Variants in INF2 observed in about 807,000 individuals in gnomAD.
INF2 encodes inverted formin-2.
INF2 carries 43 observed loss-of-function variants against 123.5 expected under a neutral mutation model. The observed-to-expected ratio is 0.35, with a 90% confidence interval of 0.27 to 0.45. INF2 has a LOEUF of 0.45. INF2 is among the 20% of genes least tolerant of loss of function. The pLI, the probability that INF2 is intolerant of heterozygous loss-of-function variation, is 1.00. For missense variants in INF2, 1,453 were observed against 1,682.7 expected (o/e 0.86, Z 2.39); for synonymous variants, 851 against 745.0 (o/e 1.14, Z -2.32).
intron 5 of INF2, chr14:104,704,313 A>G: frequency 7.0e-6 from 4 of 574,096 alleles, no homozygotes; most frequent in Non-Finnish European, 1.1e-5. Flanking sequence ...TGGACGCAAG[A>G]TGGAGACAGG....
chr14:104,701,311 GC>G, intron 1 of INF2, 45 bp from the exon 2 acceptor site: 1 of 1,533,200 alleles, frequency 6.5e-7, no homozygotes, highest in African/African-American at 1.4e-5. Context: ...CAGGAGGACA[GC>G]CCCCATCCCC....
At chr14:104,716,331 G>T (rs1233581569) in intron 22 of INF2, among the ~76,000 whole-genome samples, 4 of 152,258 alleles carry the variant, frequency 2.6e-5, no homozygotes, top group African/African-American at 9.6e-5. Context: ...TGTCCTCGCT[G>T]TTGGGGCACG....
intron 1 of INF2, among the ~76,000 whole-genome samples, chr14:104,692,976 C>T (rs1396613501): frequency 7.2e-5 from 11 of 152,222 alleles, no homozygotes; most frequent in Admixed American, 5.9e-4. Context: ...GGTGACTGGC[C>T]GTGGCTGGGG....
At chr14:104,698,420 C>T (rs1425582354) in intron 1 of INF2, among the ~76,000 whole-genome samples, 1 of 152,256 alleles carries the variant, frequency 6.6e-6, no homozygotes, top group Non-Finnish European at 1.5e-5. Flanking sequence ...AGCAGAGACT[C>T]ACAGGCGGGC....
Position 104,710,208 on chromosome 14 carries a change from G to T in INF2, c.2239+20G>T, listed in dbSNP as rs1294142639. ...GCGAAAGTGAGTGGGGCCAAGCGGG[G>T]CACGTGTGCAGGAGGGACAGGCCTC... is the stretch of plus-strand genomic sequence containing the variant. On this transcript the variant is annotated intron_variant, in intron 13 of 22. Coordinates refer to ENST00000392634, the MANE Select transcript of INF2 (RefSeq NM_022489.4). The T allele has an allele frequency of 2.6e-6, 4 of 1,524,424 alleles. No individual in the cohort carries two copies. The highest frequency in any genetic ancestry group is 2.5e-5 in the East Asian group (1 of 40,804). The allele number at this position is 1,524,424 out of a possible 1,614,324, so 94.4% of individuals were successfully genotyped here. A position where few individuals can be genotyped will look rare whatever the true frequency, so the allele number is the denominator to read the frequency against.
At chr14:104,706,302 G>T in intron 6 of INF2, 126 bp downstream of exon 6, 1 of 1,031,504 alleles carries the variant, frequency 9.7e-7, no homozygotes. Context: ...GGGCCATGGT[G>T]CCAGCTTTGG....
intron 4 of INF2, 81 bp from the exon 5 acceptor site, chr14:104,703,835 A>G: frequency 6.2e-7 from 1 of 1,605,222 alleles, no homozygotes; most frequent in South Asian, 1.1e-5. Context: ...GGGCAGGGTC[A>G]GGTGCTCTGG....
chr14:104,681,883 G>GCCAGGCAGGAAA (rs1217458653), intron 1 of INF2, among the ~76,000 whole-genome samples: 1 of 152,254 alleles, frequency 6.6e-6, no homozygotes, highest in Non-Finnish European at 1.5e-5. Context: ...CAGGCAGGGA[G>GCCAGGCAGGAAA]CCAGGCAGGA....
At chr14:104,708,394 C>T (rs751341593) in intron 8 of INF2, 42 bp from the exon 9 acceptor site, 54 of 1,605,490 alleles carry the variant, frequency 3.4e-5, no homozygotes, top group African/African-American at 3.3e-4. Context: ...CGCCAGGCCC[C>T]GGGGCTGCGA....
rs1354243591 is a variant in INF2, at chr14:104,701,461, C to T, written c.96C>T (p.Ser32=). The T allele has an allele frequency of 1.9e-6, 3 of 1,599,038 alleles. No homozygotes were observed. The highest frequency in any genetic ancestry group is 1.7e-5 in the Admixed American group (1 of 58,486). Residue 32 remains serine, a synonymous_variant, in exon 2 of 23, where the codon AGC becomes AGT. Coordinates refer to ENST00000392634, the MANE Select transcript of INF2 (RefSeq NM_022489.4). ...ACCCCACGGAGGCCAACCTGGAGAG[C>T]GCGGACCCCGAGCTGTGCATCCGGC... The part of the protein sequence containing the change: ...DSDPTEANLE[S]ADPELCIRLL...
chr14:104,717,705 C>G (rs929313819), intron 22 of INF2: 3 of 152,202 alleles, frequency 2.0e-5, no homozygotes, highest in African/African-American at 7.2e-5. Context: ...CATGTCCTCC[C>G]CAGCTGGGTG....
chr14:104,693,443 C>T (rs113308620), intron 1 of INF2, among the ~76,000 whole-genome samples: 62 of 152,284 alleles, frequency 4.1e-4, no homozygotes, highest in African/African-American at 1.3e-3. Flanking sequence ...ATTTTGCAGA[C>T]GAGGGCTAGT....
upstream of INF2, among the ~76,000 whole-genome samples, chr14:104,688,621 T>C (rs1378087325): frequency 6.6e-6 from 1 of 152,218 alleles, no homozygotes; most frequent in Non-Finnish European, 1.5e-5. Context: ...CACAGAGTCA[T>C]ATCCGAGCCT....
At chr14:104,683,647 A>G (rs1229042791) in intron 1 of INF2, among the ~76,000 whole-genome samples, 7 of 135,014 alleles carry the variant, frequency 5.2e-5, no homozygotes. Context: ...CACACACACA[A>G]ATTACCTCCG....
At position 104,714,501 on chromosome 14, in the gene INF2, C is replaced by A; in HGVS notation, c.3339C>A (p.Pro1113=). ...VTLGDAQALK[P]LKFSSNQPPA... The stretch of plus-strand genomic sequence containing the variant: ...TGGGAGATGCTCAGGCCCTGAAGCC[C>A]CTCAAGTTCTCCAGCAACCAGCCCC... The change falls in exon 21 of 23, where the codon CCC becomes CCA. Residue 1113 remains proline (P), a synonymous_variant. Transcript: ENST00000392634. 1 of 1,612,780 alleles carries A rather than the reference C, an allele frequency of 6.2e-7. No homozygotes were observed. The highest frequency in any genetic ancestry group is 8.5e-7 in the Non-Finnish European group (1 of 1,179,856).
Position 104,719,028 on chromosome 14 carries a change from C to A in INF2, c.*235C>A. ...TGCCCTCCTGGACCGCCTGCACGTG[C>A]CAGCCTCCCACCTGCTTCCTAAAGG... is the stretch of plus-strand genomic sequence containing the variant. On this transcript the variant is annotated 3_prime_UTR_variant, in exon 23 of 23. Transcript: ENST00000392634. The A allele has an allele frequency of 1.0e-6, 1 of 1,001,012 alleles. No individual in the cohort carries two copies. Among genetic ancestry groups the A allele is most frequent in the Non-Finnish European group, 1.4e-6 (1 of 722,604 alleles). 62.0% of individuals were successfully genotyped at this position (1,001,012 alleles called of 1,614,324 possible).
chr14:104,700,849 C>T, intron 1 of INF2: 2 of 985,368 alleles, frequency 2.0e-6, no homozygotes, highest in Non-Finnish European at 2.4e-6. Flanking sequence ...CTGTGGGCAC[C>T]CCAGGCATGC....
chr14:104,714,864 AG>A lies in INF2; in HGVS notation c.3694+11del. 6.5e-7 allele frequency: 1 copy of A among 1,542,144 alleles called. No individual in the cohort carries two copies. On this transcript the variant is annotated intron_variant, in intron 21 of 22. Coordinates refer to ENST00000392634, the MANE Select transcript of INF2 (RefSeq NM_022489.4). Reference sequence around the variant, plus strand: ...CCTCCAGGAGCCAGGAAGGTAACTCAGGGAGGGGCCCCGGGCACCGTCCCAC... The same window carrying A: ...CCTCCAGGAGCCAGGAAGGTAACTCAGGAGGGGCCCCGGGCACCGTCCCAC...
intron 5 of INF2, among the ~76,000 whole-genome samples, chr14:104,705,479 G>T (rs1425060110): frequency 6.6e-6 from 1 of 152,074 alleles, no homozygotes; most frequent in African/African-American, 2.4e-5. Flanking sequence ...TGCCCCACCA[G>T]TGTGGGCTGA....
Sources: allele counts gnomAD v4.1 joint callset (sites outside exome capture counted in the v4.1 genomes callset), GRCh38; gene constraint gnomAD v4.1.1; transcripts MANE v1.5; gene names NCBI Gene and HGNC (gene_info 2026-07-23, HGNC 2026-07-21).